The following PSME4 variants were observed in gnomAD, a reference collection of about 807,000 sequenced individuals.
PSME4 encodes the protein proteasome activator subunit 4, also known as proteasome activator complex subunit 4.
Under a neutral mutation model 253.9 loss-of-function variants are expected in PSME4, and 89 were observed. The observed-to-expected ratio is 0.35, with a 90% confidence interval of 0.30 to 0.42. The LOEUF (loss-of-function observed/expected upper bound fraction) is 0.42. Among genes scored for constraint, PSME4 ranks in the 10% least tolerant of loss-of-function variants. The pLI is 1.00. For missense variants in PSME4, 2,014 were observed against 2,195.2 expected (o/e 0.92, Z 1.65); for synonymous variants, 851 against 759.2 (o/e 1.12, Z -1.99).
intron 41 of PSME4, among the ~76,000 whole-genome samples, chr2:53,879,851 T>C (rs867285280): frequency 3.1e-4 from 47 of 151,450 alleles, no homozygotes; most frequent in Admixed American, 8.5e-4. Flanking sequence ...ACATTAATTA[T>C]TGAACATCAA....
At chr2:53,959,196 AT>A (rs1479037601) in intron 1 of PSME4, among the ~76,000 whole-genome samples, 4 of 152,026 alleles carry the variant, frequency 2.6e-5, no homozygotes, top group African/African-American at 9.7e-5. Context: ...TGATTATTGT[AT>A]TTTTTATTTA....
intron 14 of PSME4, among the ~76,000 whole-genome samples, chr2:53,923,723 G>C (rs112432118): frequency 0.043 from 6,488 of 152,082 alleles, 205 homozygotes; most frequent in Non-Finnish European, 0.061. Context: ...AGGAGCTCAA[G>C]ACCAGCCTGG....
chr2:53,919,585 C>G (rs983304526), intron 19 of PSME4, among the ~76,000 whole-genome samples: 2 of 152,154 alleles, frequency 1.3e-5, no homozygotes, highest in African/African-American at 4.8e-5. Context: ...CCAGCTTATT[C>G]CATCTTTTAA....
At chr2:53,923,455 T>A (rs1181529879) in intron 14 of PSME4, 36 bp from the exon 15 acceptor site, 2 of 1,534,142 alleles carry the variant, frequency 1.3e-6, no homozygotes, top group African/African-American at 2.8e-5. Flanking sequence ...GAGCATTTTT[T>A]AAGAAAATTA....
chr2:53,889,127 AG>A (rs1679774519), intron 37 of PSME4, among the ~76,000 whole-genome samples: 1 of 152,118 alleles, frequency 6.6e-6, no homozygotes, highest in Non-Finnish European at 1.5e-5. Flanking sequence ...GGCCTCCCAA[AG>A]TTCTGCGATT....
chr2:53,952,658 C>A (rs889495835), intron 1 of PSME4, among the ~76,000 whole-genome samples: 2 of 152,174 alleles, frequency 1.3e-5, no homozygotes, highest in African/African-American at 2.4e-5. Flanking sequence ...GCCAGCAGTC[C>A]CCAACCTTTT....
chr2:53,882,194 T>C (rs956466503), intron 41 of PSME4, among the ~76,000 whole-genome samples: 1 of 152,188 alleles, frequency 6.6e-6, no homozygotes, highest in African/African-American at 2.4e-5. Flanking sequence ...TCTGGTGATT[T>C]ATTCTATAAA....
At chr2:53,967,649 CAAAAAAAA>C (rs71408747) in intron 1 of PSME4, among the ~76,000 whole-genome samples, 2,153 of 21,474 alleles carry the variant, frequency 0.1, 47 homozygotes, top group Admixed American at 0.3. Context: ...GAGATTGTCT[CAAAAAAAA>C]AAAAAAAAAA....
chr2:53,904,576 A>G (rs1297296361), intron 26 of PSME4, among the ~76,000 whole-genome samples: 1 of 152,274 alleles, frequency 6.6e-6, no homozygotes, highest in Non-Finnish European at 1.5e-5. Context: ...AAACAGACAC[A>G]TAACAACTTA....
chr2:53,956,797 T>C (rs1670256949), intron 1 of PSME4, among the ~76,000 whole-genome samples: 1 of 152,118 alleles, frequency 6.6e-6, no homozygotes, highest in African/African-American at 2.4e-5. Context: ...AAAGTTCTAA[T>C]GTAAAATACA....
chr2:53,910,833 C>A (rs1037394762), intron 20 of PSME4, among the ~76,000 whole-genome samples: 1 of 152,138 alleles, frequency 6.6e-6, no homozygotes, highest in African/African-American at 2.4e-5. Context: ...GAAAAATATA[C>A]CTCAATTTTC....
intron 1 of PSME4, among the ~76,000 whole-genome samples, chr2:53,969,455 G>A (rs374280278): frequency 6.6e-6 from 1 of 152,036 alleles, no homozygotes; most frequent in Non-Finnish European, 1.5e-5. Flanking sequence ...AAAACCCTGA[G>A]TCATCACTCA....
At chr2:53,866,723 C>A in intron 45 of PSME4, 24 bp downstream of exon 45, 1 of 1,601,318 alleles carries the variant, frequency 6.2e-7, no homozygotes, top group Non-Finnish European at 8.5e-7. Flanking sequence ...AATACACGTA[C>A]AAACTAATAA....
chr2:53,962,386 A>G (rs1382182112), intron 1 of PSME4, among the ~76,000 whole-genome samples: 2 of 136,924 alleles, frequency 1.5e-5, no homozygotes, highest in Non-Finnish European at 3.1e-5. Flanking sequence ...TTATATGCTT[A>G]TTTACAAGCT....
chr2:53,899,399 C>T (rs908664045), intron 29 of PSME4, among the ~76,000 whole-genome samples: 9 of 152,062 alleles, frequency 5.9e-5, no homozygotes, highest in African/African-American at 1.9e-4. Flanking sequence ...ACCTCCATAG[C>T]TTAAAAAGGA....
intron 43 of PSME4, chr2:53,870,830 T>A (rs867571721): frequency 1.9e-4 from 29 of 152,130 alleles, no homozygotes; most frequent in African/African-American, 6.8e-4. Context: ...GGTCTCACTT[T>A]TTTTTTTGTT....
In PSME4 at chr2:53,866,527, T is replaced by C. The variant is rs561457145; in HGVS notation, c.5397+220A>G. Among the ~76,000 whole-genome samples, 231 of 152,296 alleles carry C rather than the reference T, an allele frequency of 1.5e-3. 5 individuals are homozygous for C. Among genetic ancestry groups the C allele is most frequent in the East Asian group, 1.5e-3 (8 of 5,192 alleles). On this transcript the variant is annotated intron_variant, in intron 45 of 46. Coordinates refer to ENST00000404125, the MANE Select transcript of PSME4 (RefSeq NM_014614.3). ...TTTACTTCCATTGGACTGGGAGGGA[T>C]AGAAGCTACAATAATTTCCTCACTA... is the stretch of plus-strand genomic sequence containing the variant.
chr2:53,932,776 A>G lies in PSME4; in HGVS notation c.958-16T>C, dbSNP rs756377237. The G allele has an allele frequency of 2.3e-5, 37 of 1,597,020 alleles. No homozygotes were observed. Among genetic ancestry groups the G allele is most frequent in the Non-Finnish European group, 4.3e-6 (5 of 1,164,578 alleles). The stretch of plus-strand genomic sequence containing the variant: ...TTGGTCCACCCTGTCCAGATAAAAG[A>G]GTAAAAATGTCAGTACCCACATCAT... On this transcript the variant is annotated splice_polypyrimidine_tract_variant and intron_variant, in intron 8 of 46. Transcript: ENST00000404125.
At chr2:53,869,000 G>A (rs1233897719) in intron 44 of PSME4, among the ~76,000 whole-genome samples, 1 of 152,026 alleles carries the variant, frequency 6.6e-6, no homozygotes, top group Non-Finnish European at 1.5e-5. Flanking sequence ...TAAAAAACAA[G>A]GCTTGCTTTA....
Sources: gnomAD v4.1 joint callset for allele counts (sites outside exome capture counted in the v4.1 genomes callset) on GRCh38, gnomAD v4.1.1 for gene constraint, MANE v1.5 for transcripts, NCBI Gene and HGNC (gene_info 2026-07-23, HGNC 2026-07-21) for gene names.